The following HMCN2 variants were observed in gnomAD, a reference collection of about 807,000 sequenced individuals.
The protein encoded by HMCN2 is hemicentin 2, also known as hemicentin-2.
In HMCN2, 325 loss-of-function variants were observed where a neutral mutation model predicts 377.5. The observed-to-expected ratio is 0.86, with a 90% CI of 0.79 to 0.94. HMCN2 has a LOEUF of 0.94. Ranked by LOEUF, HMCN2 falls within the 40% of genes least tolerant of loss-of-function variation. HMCN2 has a pLI of 0.00. For synonymous variants in HMCN2, 2,007 were observed against 2,046.8 expected, an observed-to-expected ratio of 0.98 and a Z score of 0.53; for missense variants, 4,543 against 4,725.3, an observed-to-expected ratio of 0.96 and a Z score of 1.13.
At position 130,308,456 on chromosome 9, in the gene HMCN2, C is replaced by G. The variant is rs1025439993; in HGVS notation, c.2200+890C>G. On this transcript the variant is annotated intron_variant, in intron 14 of 97. Coordinates refer to ENST00000683500, the MANE Select transcript of HMCN2 (RefSeq NM_001291815.2). The surrounding 1 kb of genome is among the most constrained non-coding windows in gnomAD (Gnocchi z 4.1). ...TTGACGGACGGGTGCTGGGGTCGCA[C>G]TAGGTCTTTCTGGGAGCAGTACGCT... Among the ~76,000 whole-genome samples, 2 of 152,138 alleles carry G rather than the reference C, an allele frequency of 1.3e-5. No individual in the cohort carries two copies. The highest frequency in any genetic ancestry group is 3.2e-3 in the Middle Eastern group (1 of 316).
In HMCN2 at chr9:130,347,560, C is replaced by T. The variant is rs1026001101; in HGVS notation, c.4024+200C>T. Among the ~76,000 whole-genome samples the T allele has an allele frequency of 2.6e-5, 4 of 152,164 alleles. No homozygotes were observed. The highest frequency in any genetic ancestry group is 9.7e-5 in the African/African-American group (4 of 41,426). ...CCTACACAGGAGAATCAGGTCCTGC[C>T]ACCAGGTGCCAGTGACAGGGAGGGC... On this transcript the variant is annotated intron_variant, in intron 26 of 97. Transcript: ENST00000683500. The surrounding 1 kb of genome is among the most constrained non-coding windows in gnomAD (Gnocchi z 5.1).
Position 130,402,831 on chromosome 9 carries a change from G to A in HMCN2, c.11813G>A (p.Arg3938His), listed in dbSNP as rs772014507. ...IGQALPIHAG[R>H]YTCSARNSAG... The stretch of plus-strand genomic sequence containing the variant: ...CAGGCCCTCCCCATCCACGCAGGCC[G>A]CTACACCTGCTCAGCCCGCAACTCT... The change falls in exon 78 of 98, where the codon CGC (arginine) becomes CAC (histidine). Residue 3938 changes from arginine to histidine, a missense_variant. Coordinates refer to ENST00000683500, the MANE Select transcript of HMCN2 (RefSeq NM_001291815.2). The A allele has an allele frequency of 4.6e-5, 59 of 1,289,708 alleles. 1 individual carries two copies. The Middle Eastern group carries it at 1.9e-3, about 42-fold the overall frequency. The allele number at this position is 1,289,708 out of a possible 1,614,324, so 79.9% of individuals were successfully genotyped here.
At chr9:130,335,797 C>G (rs1269013186) in intron 22 of HMCN2, among the ~76,000 whole-genome samples, 1 of 152,158 alleles carries the variant, frequency 6.6e-6, no homozygotes, top group African/African-American at 2.4e-5. Context: ...CACCCATCTG[C>G]TCTGCCATGC....
Position 130,394,636 on chromosome 9 carries a change from G to A in HMCN2, c.10692+61G>A. The A allele has an allele frequency of 8.3e-7, 1 of 1,199,958 alleles. No homozygotes were observed. Among genetic ancestry groups the A allele is most frequent in the Non-Finnish European group, 1.1e-6 (1 of 930,082 alleles). The allele number at this position is 1,199,958 out of a possible 1,614,324, so 74.3% of individuals were successfully genotyped here. A position where few individuals can be genotyped will look rare whatever the true frequency, so the allele number is the denominator to read the frequency against. On this transcript the variant is annotated intron_variant, in intron 69 of 97. Transcript: ENST00000683500. The surrounding 1 kb of genome is among the most constrained non-coding windows in gnomAD (Gnocchi z 5.1). The stretch of plus-strand genomic sequence containing the variant: ...TTGGGGGAGAGGGGAGGGACTGCAG[G>A]TTCCCCAGACCCAGTGGGCAGTTGA...
intron 97 of HMCN2, chr9:130,433,142 TGGC>T: frequency 2.0e-6 from 1 of 490,080 alleles, no homozygotes; most frequent in Non-Finnish European, 3.5e-6. Flanking sequence ...GGCAGGCCTC[TGGC>T]TTCTCTGGGC....
rs937875433 is a variant in HMCN2 at position 130,311,988 on chromosome 9, G to A, written c.2350+1927G>A. 2.6e-4 allele frequency among the ~76,000 whole-genome samples: 39 copies of A among 152,314 alleles called. No homozygotes were observed. The South Asian group carries it at 7.7e-3, about 30-fold the overall frequency. On this transcript the variant is annotated intron_variant, in intron 15 of 97. Transcript: ENST00000683500. ...GGAAACACGAGCCGGCGCTTCTAGG[G>A]TGTTTGCCAGGTGCTGGCACCAGCT... is the stretch of plus-strand genomic sequence containing the variant.
Position 130,268,815 on chromosome 9 carries a change from G to A in HMCN2, c.259+2678G>A, listed in dbSNP as rs1336392321. Among the ~76,000 whole-genome samples the A allele has an allele frequency of 4.0e-5, 6 of 148,440 alleles. 2 individuals carry two copies. Among genetic ancestry groups the A allele is most frequent in the Non-Finnish European group, 9.1e-5 (6 of 66,026 alleles). ...TGGGTGTGCACGGGAGGAGTGGAGC[G>A]GGAAAGTGGGGAAGGGCAAGATTGG... On this transcript the variant is annotated intron_variant, in intron 1 of 97. Coordinates refer to ENST00000683500, the MANE Select transcript of HMCN2 (RefSeq NM_001291815.2).
At chr9:130,337,754 C>T (rs1457398143) in intron 22 of HMCN2, 140 bp from the exon 23 acceptor site, 34,317 of 74,790 alleles carry the variant, frequency 0.46, 4,440 homozygotes, top group African/African-American at 0.52. Context: ...AGGATGGAGG[C>T]GGGGGTGGGG....
At position 130,391,533 on chromosome 9, in the gene HMCN2, C is replaced by A. The variant is rs1842323646; in HGVS notation, c.9911C>A (p.Pro3304Gln). The A allele has an allele frequency of 3.0e-6, 3 of 987,784 alleles. No individual in the cohort carries two copies. The highest frequency in any genetic ancestry group is 3.6e-6 in the Non-Finnish European group (3 of 830,142). The allele number at this position is 987,784 out of a possible 1,614,324, so 61.2% of individuals were successfully genotyped here. The part of the protein sequence containing the change: ...AGAYTCVAHN[P>Q]AGEDARLHTV... ...GCCTACACCTGCGTGGCCCACAACC[C>A]AGCCGGGGAGGACGCCAGGCTGCAC... Residue 3304 changes from proline (P) to glutamine (Q), a missense_variant, in exon 65 of 98, where the codon CCA becomes CAA. Physicochemically the swap from Pro to Gln is moderately conservative, Grantham distance 76. This residue lies in a region of HMCN2 where 1,073 missense variants were observed against 1,319.5 expected (regional missense o/e 0.81). Coordinates refer to ENST00000683500, the MANE Select transcript of HMCN2 (RefSeq NM_001291815.2).
rs1044955347 is a variant in HMCN2 at position 130,330,307 on chromosome 9, G to A, written c.3359+2832G>A. 5.9e-3 allele frequency among the ~76,000 whole-genome samples: 895 copies of A among 152,206 alleles called. 6 individuals are homozygous for A. The highest frequency in any genetic ancestry group is 6.8e-3 in the Middle Eastern group (2 of 294). On this transcript the variant is annotated intron_variant, in intron 22 of 97. Transcript: ENST00000683500. ...TTCTCCTGTCTGTGGGGAATTCTGC[G>A]GTGTAGTCAGGGCTGAGAGCCAAGA...
In HMCN2 at chr9:130,291,146, C is replaced by T. The variant is rs542940413; in HGVS notation, c.613-3709C>T. On this transcript the variant is annotated intron_variant, in intron 4 of 97. Transcript: ENST00000683500. ...CCCTTAGCTTGGAGTTGGCAAGCAA[C>T]AGTATACCACTGTGATTGTTCAGGT... Among the ~76,000 whole-genome samples the T allele has an allele frequency of 3.9e-5, 6 of 152,294 alleles. No homozygotes were observed. In the East Asian group the frequency reaches 7.7e-4, roughly 20 times the overall value.
At chr9:130,309,118 A>G (rs1267232975) in intron 14 of HMCN2, among the ~76,000 whole-genome samples, 1 of 152,262 alleles carries the variant, frequency 6.6e-6, no homozygotes, top group Non-Finnish European at 1.5e-5. Context: ...TGCATATTTA[A>G]CTACAATAAA....
At chr9:130,335,219 C>T (rs1300845770) in intron 22 of HMCN2, among the ~76,000 whole-genome samples, 1 of 152,040 alleles carries the variant, frequency 6.6e-6, no homozygotes, top group African/African-American at 2.4e-5. Context: ...CCAGGTGTTG[C>T]GATGAAATCT....
chr9:130,408,955 T>C (rs1158071296), intron 84 of HMCN2, 22 bp downstream of exon 84: 20 of 1,280,502 alleles, frequency 1.6e-5, no homozygotes, highest in South Asian at 1.1e-4. Flanking sequence ...CCTGGCACCT[T>C]GGGTGGGGCC....
At chr9:130,340,545 A>C in intron 23 of HMCN2, among the ~76,000 whole-genome samples, 1 of 141,364 alleles carries the variant, frequency 7.1e-6, no homozygotes, top group Non-Finnish European at 1.5e-5. Flanking sequence ...TCTTAGACGG[A>C]GCCTCCCTCT....
intron 4 of HMCN2, among the ~76,000 whole-genome samples, chr9:130,293,279 GTTTTT>G (rs71387339): frequency 7.0e-5 from 4 of 57,122 alleles, no homozygotes; most frequent in South Asian, 8.3e-4. Flanking sequence ...ACTCACTAAA[GTTTTT>G]TTTTTTTTTT....
chr9:130,429,788 T>A (rs1844628592), intron 94 of HMCN2, 103 bp downstream of exon 94: 1 of 1,442,770 alleles, frequency 6.9e-7, no homozygotes, highest in Non-Finnish European at 9.1e-7. Context: ...ACACCCACCC[T>A]CTGGCCAGCA....
At chr9:130,356,040 G>T in intron 33 of HMCN2, 48 bp from the exon 34 acceptor site, 1 of 1,170,574 alleles carries the variant, frequency 8.5e-7, no homozygotes, top group Non-Finnish European at 1.1e-6. Flanking sequence ...GCCTGGCCTG[G>T]CCTTCCCTGG....
intron 77 of HMCN2, among the ~76,000 whole-genome samples, chr9:130,402,038 CT>C (rs1842875030): frequency 2.6e-5 from 4 of 152,146 alleles, no homozygotes; most frequent in African/African-American, 7.2e-5. Context: ...GATTGCACCA[CT>C]GTACTCCAGC....
Sources: allele counts gnomAD v4.1 joint callset (sites outside exome capture counted in the v4.1 genomes callset), GRCh38; gene constraint gnomAD v4.1.1; regional missense constraint gnomAD v4.1.1; non-coding constraint Gnocchi (gnomAD v3.1); transcripts MANE v1.5; gene names NCBI Gene and HGNC (gene_info 2026-07-23, HGNC 2026-07-21).